Variants in CNKSR3 observed in about 807,000 individuals in gnomAD.
CNKSR3 encodes the protein connector enhancer of kinase suppressor of ras 3.
In CNKSR3, 36 loss-of-function variants were observed where a neutral mutation model predicts 67.7. The observed-to-expected ratio is 0.53, with a 90% CI of 0.41 to 0.70. CNKSR3 has a LOEUF of 0.70. Among genes scored for constraint, CNKSR3 ranks in the 30% least tolerant of loss-of-function variants. The probability of loss-of-function intolerance (pLI) is 0.00; values close to 1 mark genes in which losing one functional copy is unlikely to be tolerated. For missense variants in CNKSR3, 630 were observed against 695.2 expected (o/e 0.91, Z 1.05); for synonymous variants, 281 against 271.4 (o/e 1.04, Z -0.35).
chr6:154,497,314 C>T (rs1027860290), intron 1 of CNKSR3, among the ~76,000 whole-genome samples: 2 of 152,060 alleles, frequency 1.3e-5, no homozygotes, highest in Admixed American at 1.3e-4. Flanking sequence ...TCTCTTGAGC[C>T]CCGGAGGTCA....
At chr6:154,486,739 T>C (rs933217942) in intron 1 of CNKSR3, among the ~76,000 whole-genome samples, 2 of 151,610 alleles carry the variant, frequency 1.3e-5, no homozygotes, top group Non-Finnish European at 2.9e-5. Context: ...GGTGATCCGC[T>C]TGCCTCGGCC....
rs202039622 is a variant in CNKSR3 at position 154,426,784 on chromosome 6, C to T, written c.729+1344G>A. Among the ~76,000 whole-genome samples the T allele has an allele frequency of 2.6e-5, 4 of 152,354 alleles. No individual in the cohort carries two copies. The East Asian group carries it at 7.7e-4, about 29-fold the overall frequency. ...AGACCCAATAGAGTTGGAAAACACACTGGTCTGGTTAAGACAGACAACGTA... is the reference window on the plus strand; with the variant it reads ...AGACCCAATAGAGTTGGAAAACACATTGGTCTGGTTAAGACAGACAACGTA... On this transcript the variant is annotated intron_variant, in intron 7 of 12. Coordinates refer to ENST00000607772, the MANE Select transcript of CNKSR3 (RefSeq NM_173515.4).
rs117117851 is a variant in CNKSR3, at chr6:154,391,097, G to A, written c.*15257C>T. On this transcript the variant is annotated 3_prime_UTR_variant, in exon 13 of 13. Transcript: ENST00000607772. Reference sequence around the variant, plus strand: ...ATTACAAGCGGGAGCCATCGCGCCCGGCCTGACGCCTCTTTCTTTAGTGTG... The same window carrying A: ...ATTACAAGCGGGAGCCATCGCGCCCAGCCTGACGCCTCTTTCTTTAGTGTG... 1.5e-3 allele frequency: 223 copies of A among 152,036 alleles called. 2 individuals are homozygous for A. In the East Asian group the frequency reaches 0.03, roughly 21 times the overall value. The allele number at this position is 152,036 out of a possible 1,614,324, so 9.4% of individuals were successfully genotyped here.
Position 154,389,395 on chromosome 6 carries a change from A to G in CNKSR3, c.*16959T>C, listed in dbSNP as rs190501052. 120 of 152,540 alleles carry G rather than the reference A, an allele frequency of 7.9e-4. No homozygotes were observed. The highest frequency in any genetic ancestry group is 2.8e-3 in the African/African-American group (115 of 41,572). The allele number at this position is 152,540 out of a possible 1,614,324, so 9.4% of individuals were successfully genotyped here. On this transcript the variant is annotated 3_prime_UTR_variant, in exon 13 of 13. Transcript: ENST00000607772. ...TGGCACCATTGTTGAAGATCAGTTGACAATATACATGTGAATCTATTTCTG... is the reference window on the plus strand; with the variant it reads ...TGGCACCATTGTTGAAGATCAGTTGGCAATATACATGTGAATCTATTTCTG...
intron 4 of CNKSR3, 32 bp downstream of exon 4, chr6:154,441,260 A>AAAG (rs1785577024): frequency 7.9e-6 from 10 of 1,259,582 alleles, no homozygotes; most frequent in Middle Eastern, 2.2e-4. Context: ...AAAAAAAAAA[A>AAAG]AAAAAGAAAG....
At chr6:154,444,674 C>T (rs943269559) in intron 2 of CNKSR3, among the ~76,000 whole-genome samples, 4 of 146,476 alleles carry the variant, frequency 2.7e-5, no homozygotes, top group Middle Eastern at 7.2e-3. Context: ...GGTGTGATCT[C>T]GGCTCACTGC....
chr6:154,420,038 C>T (rs147674098), intron 9 of CNKSR3, among the ~76,000 whole-genome samples: 2,091 of 151,980 alleles, frequency 0.014, 49 homozygotes, highest in African/African-American at 0.047. Flanking sequence ...GCCAAGATCA[C>T]GGCACTGCAC....
At chr6:154,427,546 G>A (rs1056598220) in intron 7 of CNKSR3, among the ~76,000 whole-genome samples, 14 of 152,200 alleles carry the variant, frequency 9.2e-5, no homozygotes, top group African/African-American at 3.4e-4. Context: ...AGGGGCTAAA[G>A]ACAACTCTAC....
At chr6:154,416,653 C>T (rs553334211) in intron 9 of CNKSR3, among the ~76,000 whole-genome samples, 2 of 152,104 alleles carry the variant, frequency 1.3e-5, no homozygotes, top group Non-Finnish European at 2.9e-5. Context: ...TGATGTTGAA[C>T]AACTTAGAGC....
At chr6:154,440,888 CCAA>C (rs1385254694) in intron 4 of CNKSR3, among the ~76,000 whole-genome samples, 2 of 151,824 alleles carry the variant, frequency 1.3e-5, no homozygotes, top group African/African-American at 4.8e-5. Context: ...ACTGGTAAAT[CCAA>C]CAACAAGAGG....
At chr6:154,435,717 G>T (rs1267440311) in intron 4 of CNKSR3, among the ~76,000 whole-genome samples, 1 of 152,234 alleles carries the variant, frequency 6.6e-6, no homozygotes, top group Non-Finnish European at 1.5e-5. Flanking sequence ...ACAGTGAGCT[G>T]AGCTTCTCAC....
chr6:154,450,066 C>A (rs193089347), intron 2 of CNKSR3, 29 bp downstream of exon 2: 1 of 1,604,092 alleles, frequency 6.2e-7, no homozygotes, highest in Non-Finnish European at 8.5e-7. Flanking sequence ...AACGTCATCA[C>A]GGTACAGACC....
intron 2 of CNKSR3, 79 bp from the exon 3 acceptor site, chr6:154,442,369 T>A (rs959024208): frequency 1.3e-4 from 161 of 1,232,440 alleles, no homozygotes; most frequent in Non-Finnish European, 1.7e-4. Flanking sequence ...ACGCCTGTAA[T>A]CCTAGCACTT....
Position 154,505,791 on chromosome 6 carries a change from C to T in CNKSR3, c.52+4272G>A, listed in dbSNP as rs189800043. Among the ~76,000 whole-genome samples the T allele has an allele frequency of 2.1e-4, 31 of 148,788 alleles. 1 individual carries two copies. The South Asian group carries it at 4.0e-3, about 19-fold the overall frequency. On this transcript the variant is annotated intron_variant, in intron 1 of 12. Transcript: ENST00000607772. ...CTGGGATTACAGGCGTGAGCCACCG[C>T]GCCTGGCCAACTACACAATTGTTGA...
chr6:154,422,183 G>A (rs1237817391), intron 9 of CNKSR3, among the ~76,000 whole-genome samples: 1 of 151,768 alleles, frequency 6.6e-6, no homozygotes, highest in African/African-American at 2.4e-5. Context: ...TAGTAGAGAC[G>A]GGGTTTCACC....
chr6:154,399,345 C>T lies in CNKSR3; in HGVS notation c.*7009G>A, dbSNP rs1375722727. On this transcript the variant is annotated 3_prime_UTR_variant, in exon 13 of 13. Coordinates refer to ENST00000607772, the MANE Select transcript of CNKSR3 (RefSeq NM_173515.4). ...GTACTGCTACTACAGGAACACGAGT[C>T]AACATCTCTTAAATGCTGTGTGCCA... 1 of 152,234 alleles carries T rather than the reference C, an allele frequency of 6.6e-6. No individual in the cohort carries two copies. Among genetic ancestry groups the T allele is most frequent in the African/African-American group, 2.4e-5 (1 of 41,460 alleles). The allele number at this position is 152,234 out of a possible 1,614,324, so 9.4% of individuals were successfully genotyped here.
intron 1 of CNKSR3, among the ~76,000 whole-genome samples, chr6:154,459,006 C>T (rs1582877490): frequency 6.7e-6 from 1 of 150,196 alleles, no homozygotes; most frequent in East Asian, 2.0e-4. Context: ...AGGAAATAAG[C>T]TGCCCAGAAA....
At chr6:154,425,015 G>A (rs528952218) in intron 7 of CNKSR3, among the ~76,000 whole-genome samples, 46 of 152,244 alleles carry the variant, frequency 3.0e-4, no homozygotes, top group African/African-American at 7.7e-4. Flanking sequence ...CAGGTAATCC[G>A]CCCGCCTTGG....
intron 9 of CNKSR3, among the ~76,000 whole-genome samples, chr6:154,415,365 G>A (rs1214505409): frequency 6.6e-6 from 1 of 151,532 alleles, no homozygotes; most frequent in Non-Finnish European, 1.5e-5. Flanking sequence ...CAAGTAGCTG[G>A]GATTACAGGT....
Sources: allele counts gnomAD v4.1 joint callset (sites outside exome capture counted in the v4.1 genomes callset), GRCh38; gene constraint gnomAD v4.1.1; transcripts MANE v1.5; gene names NCBI Gene and HGNC (gene_info 2026-07-23, HGNC 2026-07-21).